Variants in TBC1D5 observed in about 807,000 individuals in gnomAD.
TBC1D5 encodes TBC1 domain family, member 5.
A neutral mutation model predicts 100.3 loss-of-function variants in TBC1D5; 75 were observed. The ratio of observed to expected loss-of-function variants is 0.75; its 90% CI spans 0.62 to 0.91. TBC1D5 has a LOEUF of 0.91. TBC1D5 is among the 40% of genes least tolerant of loss of function. The pLI, the probability that TBC1D5 is intolerant of heterozygous loss-of-function variation, is 0.00. For synonymous variants in TBC1D5, 323 were observed against 325.6 expected, an observed-to-expected ratio of 0.99 and a Z score of 0.09; for missense variants, 910 against 942.4, an observed-to-expected ratio of 0.97 and a Z score of 0.45.
intron 2 of TBC1D5, among the ~76,000 whole-genome samples, chr3:17,614,146 C>T (rs937366558): frequency 1.3e-5 from 2 of 152,158 alleles, no homozygotes; most frequent in African/African-American, 4.8e-5. Flanking sequence ...ATAAAGAATC[C>T]TATCCCCATT....
At chr3:17,456,057 C>G (rs541425271) in intron 3 of TBC1D5, among the ~76,000 whole-genome samples, 8 of 152,248 alleles carry the variant, frequency 5.3e-5, no homozygotes, top group African/African-American at 1.9e-4. Flanking sequence ...AAAAGACAGT[C>G]TCTTCAATAA....
intron 13 of TBC1D5, among the ~76,000 whole-genome samples, chr3:17,367,812 T>C (rs2092251002): frequency 6.6e-6 from 1 of 151,700 alleles, no homozygotes. Flanking sequence ...TGAGCCAAGA[T>C]TGCACCACTG....
At chr3:17,326,449 C>T (rs982081627) in intron 13 of TBC1D5, among the ~76,000 whole-genome samples, 1 of 152,120 alleles carries the variant, frequency 6.6e-6, no homozygotes, top group East Asian at 1.9e-4. Context: ...GAACCAGAAC[C>T]TCTGTACTTG....
intron 1 of TBC1D5, among the ~76,000 whole-genome samples, chr3:17,684,972 T>C (rs540486607): frequency 2.6e-4 from 39 of 152,184 alleles, no homozygotes; most frequent in African/African-American, 6.7e-4. Flanking sequence ...CCAAGACTTA[T>C]TCATTTTAAA....
At chr3:17,208,332 G>A (rs919130168) in intron 18 of TBC1D5, among the ~76,000 whole-genome samples, 4 of 152,234 alleles carry the variant, frequency 2.6e-5, no homozygotes, top group African/African-American at 9.6e-5. Flanking sequence ...TGGTGTCACA[G>A]GAAAAGAGAG....
intron 13 of TBC1D5, among the ~76,000 whole-genome samples, chr3:17,336,412 T>C (rs149362143): frequency 6.6e-6 from 1 of 152,176 alleles, no homozygotes; most frequent in East Asian, 1.9e-4. Flanking sequence ...ATAAAGTTTA[T>C]TTTGTTTCCT....
At chr3:17,463,806 C>T (rs2095255339) in intron 3 of TBC1D5, among the ~76,000 whole-genome samples, 1 of 152,110 alleles carries the variant, frequency 6.6e-6, no homozygotes. Flanking sequence ...TGATCTCTGC[C>T]CTCTTCATTG....
intron 1 of TBC1D5, among the ~76,000 whole-genome samples, chr3:17,708,840 G>T (rs577119578): frequency 1.3e-5 from 2 of 152,262 alleles, no homozygotes; most frequent in East Asian, 1.9e-4. Flanking sequence ...GCCAAAATTT[G>T]ATAATGTATG....
intron 1 of TBC1D5, among the ~76,000 whole-genome samples, chr3:17,664,418 A>C (rs1158743799): frequency 6.6e-6 from 1 of 152,196 alleles, no homozygotes; most frequent in East Asian, 1.9e-4. Flanking sequence ...AAAAATGCAA[A>C]CATTCTTAAA....
chr3:17,502,508 C>T (rs990487773), intron 3 of TBC1D5, among the ~76,000 whole-genome samples: 2 of 149,182 alleles, frequency 1.3e-5, no homozygotes, highest in Non-Finnish European at 2.9e-5. Flanking sequence ...AGATATTGGT[C>T]CTAAGTCCTC....
At chr3:17,735,340 T>C (rs1446917562) in intron 1 of TBC1D5, among the ~76,000 whole-genome samples, 1 of 152,196 alleles carries the variant, frequency 6.6e-6, no homozygotes. Context: ...AGAAAACTAA[T>C]GACATGAGTA....
chr3:17,448,738 T>C (rs1379590153), intron 3 of TBC1D5, among the ~76,000 whole-genome samples: 1 of 152,226 alleles, frequency 6.6e-6, no homozygotes, highest in African/African-American at 2.4e-5. Context: ...TGTACTAACA[T>C]CCAGCCTTTA....
chr3:17,730,893 TA>T (rs2076497915), intron 1 of TBC1D5, among the ~76,000 whole-genome samples: 1 of 151,946 alleles, frequency 6.6e-6, no homozygotes, highest in African/African-American at 2.4e-5. Flanking sequence ...GACTAATGAG[TA>T]AAAAGGTAAT....
At chr3:17,314,098 T>C (rs935735855) in intron 13 of TBC1D5, among the ~76,000 whole-genome samples, 1 of 152,232 alleles carries the variant, frequency 6.6e-6, no homozygotes, top group African/African-American at 2.4e-5. Context: ...TTAGTGTTAC[T>C]GCTCCCACTT....
intron 3 of TBC1D5, among the ~76,000 whole-genome samples, chr3:17,481,800 G>C (rs543592934): frequency 2.6e-4 from 39 of 152,298 alleles, no homozygotes; most frequent in African/African-American, 9.1e-4. Context: ...GAGTGGAATG[G>C]CACGATCTTG....
At chr3:17,356,425 T>C (rs2091218181) in intron 13 of TBC1D5, among the ~76,000 whole-genome samples, 1 of 152,230 alleles carries the variant, frequency 6.6e-6, no homozygotes, top group African/African-American at 2.4e-5. Context: ...CTCTAATTTA[T>C]ACTTTCTAAA....
intron 2 of TBC1D5, among the ~76,000 whole-genome samples, chr3:17,598,009 C>G (rs1348324754): frequency 3.5e-5 from 5 of 143,294 alleles, no homozygotes; most frequent in Non-Finnish European, 6.2e-5. Flanking sequence ...TGCCCCCCCG[C>G]CCCCCAACCC....
chr3:17,541,736 C>G (rs1366226133), intron 2 of TBC1D5, among the ~76,000 whole-genome samples: 1 of 152,096 alleles, frequency 6.6e-6, no homozygotes. Flanking sequence ...ACAGAAATAG[C>G]AAAAACTGAC....
At chr3:17,389,499 A>C (rs985021716) in intron 8 of TBC1D5, among the ~76,000 whole-genome samples, 8 of 152,122 alleles carry the variant, frequency 5.3e-5, no homozygotes, top group African/African-American at 1.9e-4. Context: ...GAACCAGACC[A>C]CCATGCTGTA....
Sources: allele counts gnomAD v4.1 joint callset (sites outside exome capture counted in the v4.1 genomes callset), GRCh38; gene constraint gnomAD v4.1.1; transcripts MANE v1.5; gene names NCBI Gene and HGNC (gene_info 2026-07-23, HGNC 2026-07-21).